Variants in MYO5C observed in about 807,000 individuals in gnomAD.
MYO5C encodes the protein myosin VC, also known as unconventional myosin-Vc.
Under a neutral mutation model 235.7 loss-of-function variants are expected in MYO5C, and 194 were observed. The observed-to-expected ratio is 0.82, with a 90% CI of 0.73 to 0.93. The LOEUF (loss-of-function observed/expected upper bound fraction) is 0.93, where lower values mean the gene tolerates loss of function less well. MYO5C is among the 40% of genes least tolerant of loss of function. The probability of loss-of-function intolerance (pLI) is 0.00; values close to 1 mark genes in which losing one functional copy is unlikely to be tolerated. For synonymous variants in MYO5C, 707 were observed against 754.8 expected (o/e 0.94, Z 1.04); for missense variants, 2,038 against 2,127.2 (o/e 0.96, Z 0.82).
intron 32 of MYO5C, among the ~76,000 whole-genome samples, chr15:52,215,751 G>A (rs1048891460): frequency 3.3e-5 from 5 of 152,002 alleles, no homozygotes; most frequent in Non-Finnish European, 1.5e-5. Flanking sequence ...TATGGTAAAT[G>A]TACATTTTAT....
chr15:52,218,543 T>G lies in MYO5C; in HGVS notation c.3930A>C (p.Ala1310=). 1 of 1,614,258 alleles carries G rather than the reference T, an allele frequency of 6.2e-7. No homozygotes were observed. Among genetic ancestry groups the G allele is most frequent in the East Asian group, 2.2e-5 (1 of 44,894 alleles). ...SEVKCNFRQE[A]SRLTLENRDL... ...CCCTGTTTTCCAAAGTGAGCCGGGA[T>G]GCTTCCTGCCGGAAGTTACACTTGA... is the stretch of plus-strand genomic sequence containing the variant. The change falls in exon 32 of 41, where the codon GCA becomes GCC. Residue 1310 remains alanine, a synonymous_variant. Transcript: ENST00000261839.
In MYO5C at chr15:52,253,354, T is replaced by C. The variant is rs2036513090; in HGVS notation, c.1499A>G (p.Lys500Arg). 2 of 1,613,022 alleles carry C rather than the reference T, an allele frequency of 1.2e-6. No individual in the cohort carries two copies. Among genetic ancestry groups the C allele is most frequent in the African/African-American group, 1.3e-5 (1 of 74,906 alleles). Residue 500 changes from lysine to arginine, a missense_variant, in exon 12 of 41, where the codon AAA becomes AGA. Lys to Arg is a conservative substitution (Grantham distance 26). Coordinates refer to ENST00000261839, the MANE Select transcript of MYO5C (RefSeq NM_018728.4). ...ATCCAGTAACTCCAGAATTCCCATT[T>C]TTGCTTCAATCAGGTCAATAACTGG... The part of the protein sequence containing the change: ...NQPVIDLIEA[K>R]MGILELLDEE...
chr15:52,269,730 T>G, intron 8 of MYO5C, 23 bp downstream of exon 8: 1 of 1,516,922 alleles, frequency 6.6e-7, no homozygotes, highest in Non-Finnish European at 9.1e-7. Flanking sequence ...GGCTACATAC[T>G]TGGATGGGAT....
chr15:52,206,002 TACAA>T lies in MYO5C; in HGVS notation c.4387-40_4387-37del, dbSNP rs771977618. 3 of 1,267,562 alleles carry T rather than the reference TACAA, an allele frequency of 2.4e-6. No homozygotes were observed. In the African/African-American group the frequency reaches 4.5e-5, roughly 19 times the overall value. 78.5% of individuals were successfully genotyped at this position (1,267,562 alleles called of 1,614,324 possible). ...TTTTAAACATAAAATATTAGAATAA[TACAA>T]ACATGTAGGAAATTAATAATCAGCT... On this transcript the variant is annotated intron_variant, in intron 36 of 40. Transcript: ENST00000261839.
At chr15:52,235,609 A>T in intron 23 of MYO5C, 61 bp downstream of exon 23, 4 of 1,352,072 alleles carry the variant, frequency 3.0e-6, no homozygotes, top group Non-Finnish European at 3.1e-6. Context: ...GGTCAACCCC[A>T]GTATTGTTTA....
intron 21 of MYO5C, 23 bp from the exon 22 acceptor site, chr15:52,237,669 G>T (rs754087675): frequency 3.1e-6 from 5 of 1,595,444 alleles, no homozygotes; most frequent in Admixed American, 1.8e-5. Context: ...AAATTCAGAT[G>T]TTTAGAGGTT....
At chr15:52,204,782 A>G (rs2035264442) in intron 38 of MYO5C, 83 bp downstream of exon 38, 1 of 1,483,762 alleles carries the variant, frequency 6.7e-7, no homozygotes, top group African/African-American at 1.4e-5. Flanking sequence ...CACAGCAGGG[A>G]GGGTCAGGCG....
At chr15:52,275,812 A>AC in intron 4 of MYO5C, 94 bp from the exon 5 acceptor site, 2 of 1,231,306 alleles carry the variant, frequency 1.6e-6, no homozygotes, top group Non-Finnish European at 2.3e-6. Context: ...CAAAAGAGGG[A>AC]AACTGTTTTG....
intron 12 of MYO5C, 126 bp from the exon 13 acceptor site, chr15:52,251,641 T>TTTA (rs2036475487): frequency 2.8e-5 from 9 of 323,960 alleles, no homozygotes; most frequent in Non-Finnish European, 4.7e-5. Context: ...ATTAGAGGCT[T>TTTA]TTTATTTATT....
intron 23 of MYO5C, 60 bp downstream of exon 23, chr15:52,235,610 G>A: frequency 2.2e-6 from 3 of 1,378,892 alleles, no homozygotes; most frequent in Non-Finnish European, 3.0e-6. Context: ...GTCAACCCCA[G>A]TATTGTTTAC....
At position 52,294,535 on chromosome 15, in the gene MYO5C, C is replaced by A. The variant is rs189012005; in HGVS notation, c.27+1075G>T. Among the ~76,000 whole-genome samples the A allele has an allele frequency of 3.3e-5, 5 of 152,310 alleles. No individual in the cohort carries two copies. The East Asian group carries it at 9.6e-4, about 29-fold the overall frequency. ...GAAACATGATTTTTTAAATAACTAT[C>A]TTTTCTATCTACAGCAAAAGCATCT... is the stretch of plus-strand genomic sequence containing the variant. On this transcript the variant is annotated intron_variant, in intron 1 of 40. Coordinates refer to ENST00000261839, the MANE Select transcript of MYO5C (RefSeq NM_018728.4).
At chr15:52,255,241 G>A (rs2036556052) in intron 11 of MYO5C, among the ~76,000 whole-genome samples, 1 of 152,208 alleles carries the variant, frequency 6.6e-6, no homozygotes, top group African/African-American at 2.4e-5. Context: ...GTAGAGCTGA[G>A]ATTCAAACCC....
In MYO5C at chr15:52,273,182, G is replaced by C. The variant is rs8041452; in HGVS notation, c.607-459C>G. ...AAAACATAAAAAAAAAATTAGACAG[G>C]CATGGTGGTGTGTGCCTGTAGTCCT... On this transcript the variant is annotated intron_variant, in intron 5 of 40. Transcript: ENST00000261839. 5.1e-3 allele frequency among the ~76,000 whole-genome samples: 784 copies of C among 152,266 alleles called. 6 individuals carry two copies. Among genetic ancestry groups the C allele is most frequent in the African/African-American group, 0.018 (749 of 41,526 alleles).
intron 11 of MYO5C, among the ~76,000 whole-genome samples, chr15:52,254,032 A>G: frequency 6.6e-6 from 1 of 152,252 alleles, no homozygotes; most frequent in East Asian, 1.9e-4. Flanking sequence ...AAACCCTCCT[A>G]TGGAGGAATC....
chr15:52,295,205 T>G (rs1233623366), intron 1 of MYO5C, among the ~76,000 whole-genome samples: 1 of 152,082 alleles, frequency 6.6e-6, no homozygotes, highest in Admixed American at 6.5e-5. Context: ...ATTCCACCCG[T>G]GGTGTGGTAG....
At chr15:52,271,668 A>T in intron 7 of MYO5C, 95 bp downstream of exon 7, 1 of 685,926 alleles carries the variant, frequency 1.5e-6, no homozygotes, top group Non-Finnish European at 2.2e-6. Flanking sequence ...TTGGGCAAAT[A>T]CTTAAAACAA....
At chr15:52,242,849 G>A (rs1409360593) in intron 19 of MYO5C, 1 of 152,244 alleles carries the variant, frequency 6.6e-6, no homozygotes, top group Non-Finnish European at 1.5e-5. Flanking sequence ...GTGAAGGCTG[G>A]AAAAGGCTTT....
intron 19 of MYO5C, among the ~76,000 whole-genome samples, chr15:52,243,782 G>C (rs1596184157): frequency 1.3e-5 from 2 of 152,340 alleles, no homozygotes; most frequent in African/African-American, 4.8e-5. Context: ...AGGGTTGTGT[G>C]GACTCTCAGG....
chr15:52,276,342 C>T (rs28714255), intron 4 of MYO5C, among the ~76,000 whole-genome samples: 13,842 of 152,196 alleles, frequency 0.091, 720 homozygotes, highest in South Asian at 0.15. Context: ...GTGCAAACTT[C>T]CAGGGGTCCT....
Sources: allele counts gnomAD v4.1 joint callset (sites outside exome capture counted in the v4.1 genomes callset), GRCh38; gene constraint gnomAD v4.1.1; transcripts MANE v1.5; gene names NCBI Gene and HGNC (gene_info 2026-07-23, HGNC 2026-07-21).